Variants in PRPF8 observed in about 807,000 individuals in gnomAD.
PRPF8 encodes the protein pre-mRNA processing factor 8.
PRPF8 carries 64 observed loss-of-function variants against 285.9 expected under a neutral mutation model. The ratio of observed to expected loss-of-function variants is 0.22; its 90% CI spans 0.18 to 0.28. PRPF8 has a LOEUF of 0.28. Ranked by LOEUF, PRPF8 falls within the 10% of genes least tolerant of loss-of-function variation. The probability of loss-of-function intolerance (pLI) is 1.00; values close to 1 mark genes in which losing one functional copy is unlikely to be tolerated. For missense variants in PRPF8, 1,426 were observed against 3,026.7 expected (o/e 0.47, Z 12.41); for synonymous variants, 1,325 against 1,118.2 (o/e 1.18, Z -3.69).
At chr17:1,652,520 T>C (rs1360301735) in intron 39 of PRPF8, among the ~76,000 whole-genome samples, 1 of 152,230 alleles carries the variant, frequency 6.6e-6, no homozygotes, top group Non-Finnish European at 1.5e-5. Flanking sequence ...TAAACTATAA[T>C]ATCCCTGATA....
At chr17:1,678,434 G>A in intron 13 of PRPF8, 84 bp downstream of exon 13, 1 of 1,570,180 alleles carries the variant, frequency 6.4e-7, no homozygotes, top group Non-Finnish European at 8.8e-7. Flanking sequence ...AGTGAGCCAA[G>A]ATCGTGCCAT....
At chr17:1,681,748 T>G in intron 5 of PRPF8, 58 bp from the exon 6 acceptor site, 1 of 1,609,266 alleles carries the variant, frequency 6.2e-7, no homozygotes, top group Non-Finnish European at 8.5e-7. Flanking sequence ...CCATACCACC[T>G]ACTGATCTCC....
At position 1,684,536 on chromosome 17, in the gene PRPF8, G is replaced by C. The variant is rs1483065937; in HGVS notation, c.36C>G (p.Asn12Lys). The C allele has an allele frequency of 4.3e-6, 7 of 1,612,592 alleles. No homozygotes were observed. The highest frequency in any genetic ancestry group is 5.9e-6 in the Non-Finnish European group (7 of 1,179,880). The change falls in exon 2 of 43, where the codon AAC becomes AAG. Residue 12 changes from asparagine to lysine, a missense_variant. Around this residue, in one of 34 missense-constraint regions of PRPF8, gnomAD observed 72 missense variants for 80.0 expected, o/e 0.90. Transcript: ENST00000304992. ...AGVFPYRGPG[N>K]PVPGPLAPLP... ...GCGGGGCTAGAGGGCCAGGCACCGG[G>C]TTACCCGGCCCTCGATAAGGAAACA... is the stretch of plus-strand genomic sequence containing the variant.
In PRPF8 at chr17:1,678,525, A is replaced by C; in HGVS notation, c.1847T>G (p.Phe616Cys). The part of the protein sequence containing the change: ...KDLKHLIYYR[F>C]NTGPVGKGPG... ...GTAAAGTCAAGGTCTCACCGTGTTG[A>C]AACGATAATAGATGAGATGCTTCAG... The change falls in exon 13 of 43, where the codon TTC (phenylalanine) becomes TGC (cysteine). Residue 616 changes from phenylalanine to cysteine, a missense_variant. Physicochemically the swap from Phe to Cys is radical, Grantham distance 205. Coordinates refer to ENST00000304992, the MANE Select transcript of PRPF8 (RefSeq NM_006445.4). 1 of 1,614,230 alleles carries C rather than the reference A, an allele frequency of 6.2e-7. No individual in the cohort carries two copies. Among genetic ancestry groups the C allele is most frequent in the Non-Finnish European group, 8.5e-7 (1 of 1,180,040 alleles).
intron 3 of PRPF8, 93 bp from the exon 4 acceptor site, chr17:1,682,386 TCCTA>T: frequency 1.3e-6 from 2 of 1,496,332 alleles, no homozygotes; most frequent in Non-Finnish European, 1.9e-6. Flanking sequence ...TGTTCCACAG[TCCTA>T]CCTTACAATC....
chr17:1,680,192 G>A (rs1222785566), intron 8 of PRPF8, among the ~76,000 whole-genome samples: 1 of 152,178 alleles, frequency 6.6e-6, no homozygotes, highest in Non-Finnish European at 1.5e-5. Context: ...CATAGTGTAC[G>A]ATTCTATTTC....
chr17:1,666,165 C>CAA (rs60402650), intron 24 of PRPF8, among the ~76,000 whole-genome samples: 2 of 121,306 alleles, frequency 1.6e-5, no homozygotes, highest in Admixed American at 1.8e-4. Context: ...GACTCTGTCT[C>CAA]AAAAAAAAAA....
chr17:1,673,686 G>A lies in PRPF8; in HGVS notation c.3446+60C>T, dbSNP rs893836733. ...CCACCCAGGACGCAGCCTCAGGTAT[G>A]CCCTCTCTGGGCCCTTAGCTTATGT... On this transcript the variant is annotated intron_variant, in intron 22 of 42. Transcript: ENST00000304992. This position sits in a 1 kb window ranked among gnomAD's most constrained non-coding sequence, Gnocchi z 5.5. The A allele has an allele frequency of 2.5e-6, 4 of 1,612,250 alleles. No homozygotes were observed. The highest frequency in any genetic ancestry group is 3.4e-6 in the Non-Finnish European group (4 of 1,179,354).
chr17:1,675,306 C>CA lies in PRPF8; in HGVS notation c.2905_2906insT (p.Ser969MetfsTer2). 1 of 1,614,198 alleles carries CA rather than the reference C, an allele frequency of 6.2e-7. No homozygotes were observed. Among genetic ancestry groups the CA allele is most frequent in the Non-Finnish European group, 8.5e-7 (1 of 1,180,038 alleles). ...CAGCATGACATTGCACTCGCCTTCA[C>CA]TCGTCTCCCACACGTCCTGCAGGTT... On this transcript the variant is annotated frameshift_variant, in exon 20 of 43. Transcript: ENST00000304992. LOFTEE classifies it high-confidence loss of function. The surrounding 1 kb of genome is among the most constrained non-coding windows in gnomAD (Gnocchi z 6.0).
chr17:1,659,141 T>G lies in PRPF8; in HGVS notation c.5138+216A>C. ...CCCGGGTTCAAGTAATTCTCCCACC[T>G]CAACCTTCTGAGTAGCTGGGACTAC... On this transcript the variant is annotated intron_variant, in intron 32 of 42. Coordinates refer to ENST00000304992, the MANE Select transcript of PRPF8 (RefSeq NM_006445.4). The surrounding 1 kb of genome is among the most constrained non-coding windows in gnomAD (Gnocchi z 5.1). 1 of 669,524 alleles carries G rather than the reference T, an allele frequency of 1.5e-6. No individual in the cohort carries two copies. Among genetic ancestry groups the G allele is most frequent in the Non-Finnish European group, 2.6e-6 (1 of 377,846 alleles). 41.5% of individuals were successfully genotyped at this position (669,524 alleles called of 1,614,324 possible).
In PRPF8 at chr17:1,679,391, C is replaced by T. The variant is rs769141680; in HGVS notation, c.1309G>A (p.Ala437Thr). Residue 437 changes from alanine to threonine, a missense_variant, in exon 10 of 43, where the codon GCC becomes ACC. Ala to Thr is a moderately conservative substitution (Grantham distance 58, BLOSUM62 0). Around this residue, in one of 34 missense-constraint regions of PRPF8, gnomAD observed 137 missense variants for 161.2 expected, o/e 0.85. Transcript: ENST00000304992. The surrounding 1 kb of genome is among the most constrained non-coding windows in gnomAD (Gnocchi z 4.7). ...VKNWYREHCP[A>T]GQPVKVRVSY... ...ACCCTCACTTTCACAGGCTGCCCGG[C>T]AGGACAATGCTCCCGATACCTGGAA... 2 of 1,612,864 alleles carry T rather than the reference C, an allele frequency of 1.2e-6. No individual in the cohort carries two copies. Among genetic ancestry groups the T allele is most frequent in the Non-Finnish European group, 1.7e-6 (2 of 1,180,010 alleles).
Position 1,673,165 on chromosome 17 carries a change from C to A in PRPF8, c.3690G>T (p.Leu1230=). Residue 1230 remains leucine (L), a synonymous_variant, in exon 24 of 43, where the codon CTG becomes CTT. Transcript: ENST00000304992. This position sits in a 1 kb window ranked among gnomAD's most constrained non-coding sequence, Gnocchi z 5.5. The stretch of plus-strand genomic sequence containing the variant: ...GCTGCATTGACTCATCGTCCACACG[C>A]AGGAAACACTGAGCTGTGCGCTCCT... ...VTKERTAQCF[L]RVDDESMQRF... 2 of 1,614,224 alleles carry A rather than the reference C, an allele frequency of 1.2e-6. No individual in the cohort carries two copies. Among genetic ancestry groups the A allele is most frequent in the Non-Finnish European group, 1.7e-6 (2 of 1,180,048 alleles).
At position 1,672,857 on chromosome 17, in the gene PRPF8, A is replaced by C. The variant is rs1912401082; in HGVS notation, c.3774+224T>G. On this transcript the variant is annotated intron_variant, in intron 24 of 42. Transcript: ENST00000304992. ...ACTCTTGCCTTAATTTAGAATCATCACAAGTCCACAAGAAGGAGGCTACAC... is the reference window on the plus strand; with the variant it reads ...ACTCTTGCCTTAATTTAGAATCATCCCAAGTCCACAAGAAGGAGGCTACAC... 7 of 606,972 alleles carry C rather than the reference A, an allele frequency of 1.2e-5. No homozygotes were observed. The Admixed American group carries it at 1.7e-4, about 15-fold the overall frequency. 37.6% of individuals were successfully genotyped at this position (606,972 alleles called of 1,614,324 possible).
Position 1,676,575 on chromosome 17 carries a change from T to C in PRPF8, c.2318A>G (p.Lys773Arg). The change falls in exon 16 of 43, where the codon AAA becomes AGA. Residue 773 changes from lysine (K) to arginine (R), a missense_variant. Physicochemically the swap from Lys to Arg is conservative, Grantham distance 26. Around this residue, in one of 34 missense-constraint regions of PRPF8, gnomAD observed 70 missense variants for 273.7 expected, o/e 0.26. Coordinates refer to ENST00000304992, the MANE Select transcript of PRPF8 (RefSeq NM_006445.4). This position sits in a 1 kb window ranked among gnomAD's most constrained non-coding sequence, Gnocchi z 6.3. Reference sequence around the variant, plus strand: ...CCGGGTGAGGCGGCCCAGATTCTTTTTACAAACAGTCTTGTCCACAGTGGC... The same window carrying C: ...CCGGGTGAGGCGGCCCAGATTCTTTCTACAAACAGTCTTGTCCACAGTGGC... ...RGATVDKTVC[K>R]KNLGRLTRLY... 6.2e-7 allele frequency: 1 copy of C among 1,614,158 alleles called. No individual in the cohort carries two copies.
Position 1,684,847 on chromosome 17 carries a change from G to C in PRPF8, c.-79C>G, listed in dbSNP as rs74635192. ...ATGGCGGCCAGACTGCGTCCGCTCCGCGTTCCCAGCGCCGGGAAGTGCGCA... is the reference window on the plus strand; with the variant it reads ...ATGGCGGCCAGACTGCGTCCGCTCCCCGTTCCCAGCGCCGGGAAGTGCGCA... On this transcript the variant is annotated 5_prime_UTR_variant, in exon 1 of 43. Transcript: ENST00000304992. The C allele has an allele frequency of 1.2e-5, 7 of 595,578 alleles. No homozygotes were observed. Among genetic ancestry groups the C allele is most frequent in the South Asian group, 9.9e-5 (5 of 50,254 alleles). 36.9% of individuals were successfully genotyped at this position (595,578 alleles called of 1,614,324 possible).
chr17:1,653,874 T>C lies in PRPF8; in HGVS notation c.6130A>G (p.Thr2044Ala), dbSNP rs772668009. The C allele has an allele frequency of 6.2e-7, 1 of 1,614,036 alleles. No individual in the cohort carries two copies. The highest frequency in any genetic ancestry group is 1.7e-5 in the Admixed American group (1 of 60,002). ...KEQSQLTATQ[T>A]RTVNKHGDEI... ...TCGCCATGCTTGTTGACAGTGCGAGTCTGTGTTGCCGTCAGCTGCGATTGT... is the reference window on the plus strand; with the variant it reads ...TCGCCATGCTTGTTGACAGTGCGAGCCTGTGTTGCCGTCAGCTGCGATTGT... Residue 2044 changes from threonine to alanine, a missense_variant, in exon 38 of 43, where the codon ACT (threonine) becomes GCT (alanine). Physicochemically the swap from Thr to Ala is moderately conservative, Grantham distance 58. Transcript: ENST00000304992. The surrounding 1 kb of genome is among the most constrained non-coding windows in gnomAD (Gnocchi z 4.9).
At chr17:1,681,411 C>T (rs1033136202) in intron 6 of PRPF8, 67 bp downstream of exon 6, 5 of 1,485,426 alleles carry the variant, frequency 3.4e-6, no homozygotes, top group Non-Finnish European at 4.7e-6. Flanking sequence ...TATATCAGGA[C>T]TTTAAGGATC....
chr17:1,678,462 G>T, intron 13 of PRPF8, 56 bp downstream of exon 13: 1 of 1,611,624 alleles, frequency 6.2e-7, no homozygotes, highest in Non-Finnish European at 8.5e-7. Flanking sequence ...CAGCCCAAGA[G>T]ACAAGAGTAA....
intron 39 of PRPF8, among the ~76,000 whole-genome samples, chr17:1,652,427 C>T (rs546855321): frequency 1.3e-5 from 2 of 152,174 alleles, no homozygotes; most frequent in East Asian, 1.9e-4. Context: ...TTAAGAGAGA[C>T]GGGGTTTCGC....
Sources: allele counts gnomAD v4.1 joint callset (sites outside exome capture counted in the v4.1 genomes callset), GRCh38; gene constraint gnomAD v4.1.1; regional missense constraint gnomAD v4.1.1; non-coding constraint Gnocchi (gnomAD v3.1); transcripts MANE v1.5; gene names NCBI Gene and HGNC (gene_info 2026-07-23, HGNC 2026-07-21).